Variants in FEM1B observed in about 807,000 individuals in gnomAD.
FEM1B encodes fem-1 homolog B.
FEM1B carries 10 observed loss-of-function variants against 38.6 expected under a neutral mutation model. The ratio of observed to expected loss-of-function variants is 0.26; its 90% CI spans 0.16 to 0.44. The LOEUF (loss-of-function observed/expected upper bound fraction) is 0.44. FEM1B is among the 20% of genes least tolerant of loss of function. The pLI, the probability that FEM1B is intolerant of heterozygous loss-of-function variation, is 1.00. For missense variants in FEM1B, 471 were observed against 786.7 expected, an observed-to-expected ratio of 0.60 and a Z score of 4.80; for synonymous variants, 288 against 288.0, an observed-to-expected ratio of 1.00 and a Z score of 0.00.
intron 1 of FEM1B, among the ~76,000 whole-genome samples, chr15:68,282,872 C>T (rs983015950): frequency 6.6e-6 from 1 of 152,104 alleles, no homozygotes; most frequent in African/African-American, 2.4e-5. Context: ...TCTCTTTAAT[C>T]TGTTTAATAT....
chr15:68,284,401 CTTGAAA>C lies in FEM1B; in HGVS notation c.249-5197_249-5192del, dbSNP rs1472630973. The stretch of plus-strand genomic sequence containing the variant: ...GTATAAATTACTTGAATTGAAATTA[CTTGAAA>C]TTGAAATTACTTGAAATGAAAGTAT... On this transcript the variant is annotated intron_variant, in intron 1 of 1. Transcript: ENST00000306917. The surrounding 1 kb of genome is among the most constrained non-coding windows in gnomAD (Gnocchi z 4.4). Among the ~76,000 whole-genome samples the C allele has an allele frequency of 6.6e-6, 1 of 151,484 alleles. No homozygotes were observed. The highest frequency in any genetic ancestry group is 1.5e-5 in the Non-Finnish European group (1 of 68,006).
chr15:68,284,115 C>T lies in FEM1B; in HGVS notation c.248+5450C>T, dbSNP rs1487813663. ...GGTCAGGCTGGTCTTGAACTACCCA[C>T]CTCAGGTGATCCACCCACCTTGGCC... On this transcript the variant is annotated intron_variant, in intron 1 of 1. Transcript: ENST00000306917. The surrounding 1 kb of genome is among the most constrained non-coding windows in gnomAD (Gnocchi z 4.4). 6.6e-6 allele frequency among the ~76,000 whole-genome samples: 1 copy of T among 152,128 alleles called. No individual in the cohort carries two copies. Among genetic ancestry groups the T allele is most frequent in the Non-Finnish European group, 1.5e-5 (1 of 68,024 alleles).
chr15:68,283,495 C>A (rs1048074829), intron 1 of FEM1B, among the ~76,000 whole-genome samples: 8 of 116,370 alleles, frequency 6.9e-5, no homozygotes, highest in African/African-American at 2.8e-4. Context: ...GAGACCTCAT[C>A]TCTACCTAAA....
chr15:68,288,805 T>C lies in FEM1B; in HGVS notation c.249-802T>C, dbSNP rs531169881. Among the ~76,000 whole-genome samples, 1 of 152,290 alleles carries C rather than the reference T, an allele frequency of 6.6e-6. No homozygotes were observed. The highest frequency in any genetic ancestry group is 2.1e-4 in the South Asian group (1 of 4,828). On this transcript the variant is annotated intron_variant, in intron 1 of 1. Transcript: ENST00000306917. The surrounding 1 kb of genome is among the most constrained non-coding windows in gnomAD (Gnocchi z 4.6). ...ATATACATATACATTTTAAAACTTT[T>C]AAATTGGAGCATAACGTAACTTAGA...
In FEM1B at chr15:68,281,746, T is replaced by C. The variant is rs1238166257; in HGVS notation, c.248+3081T>C. ...CATTCTCCTGCCTCAGCCTCCCGAGTAGCTGGGACTACAGGTGCCCACAAC... is the reference window on the plus strand; with the variant it reads ...CATTCTCCTGCCTCAGCCTCCCGAGCAGCTGGGACTACAGGTGCCCACAAC... On this transcript the variant is annotated intron_variant, in intron 1 of 1. Coordinates refer to ENST00000306917, the MANE Select transcript of FEM1B (RefSeq NM_015322.5). The surrounding 1 kb of genome is among the most constrained non-coding windows in gnomAD (Gnocchi z 5.1). 1.3e-5 allele frequency among the ~76,000 whole-genome samples: 2 copies of C among 152,040 alleles called. No individual in the cohort carries two copies. Among genetic ancestry groups the C allele is most frequent in the African/African-American group, 4.8e-5 (2 of 41,382 alleles).
chr15:68,282,551 A>T (rs1226867519), intron 1 of FEM1B, among the ~76,000 whole-genome samples: 2 of 152,298 alleles, frequency 1.3e-5, no homozygotes, highest in Middle Eastern at 3.4e-3. Flanking sequence ...CAGAAATGTT[A>T]TCTCTTATTG....
At position 68,278,525 on chromosome 15, in the gene FEM1B, T is replaced by C. The variant is rs544600450; in HGVS notation, c.108T>C (p.Leu36=). Residue 36 remains leucine (L), a synonymous_variant, in exon 1 of 2, where the codon CTT becomes CTC. Transcript: ENST00000306917. This position sits in a 1 kb window ranked among gnomAD's most constrained non-coding sequence, Gnocchi z 5.7. ...CTGAAAGCGACATCCGCTATCTGCT[T>C]GGCTATGTCAGCCAGCAGGGAGGGC... The part of the protein sequence containing the change: ...NRSESDIRYL[L]GYVSQQGGQR... The C allele has an allele frequency of 6.2e-7, 1 of 1,614,062 alleles. No individual in the cohort carries two copies. The highest frequency in any genetic ancestry group is 8.5e-7 in the Non-Finnish European group (1 of 1,180,016).
At chr15:68,286,243 A>G (rs1254670784) in intron 1 of FEM1B, among the ~76,000 whole-genome samples, 1 of 149,162 alleles carries the variant, frequency 6.7e-6, no homozygotes, top group Non-Finnish European at 1.5e-5. Flanking sequence ...GTCTGTTGAT[A>G]ATATTATTCT....
Position 68,281,835 on chromosome 15 carries a change from C to T in FEM1B, c.248+3170C>T, listed in dbSNP as rs1318918096. Reference sequence around the variant, plus strand: ...TTCACCGTGTTAGCCAGGATGGTCTCGATCTCCTGACCTCGTGATCCGCAT... The same window carrying T: ...TTCACCGTGTTAGCCAGGATGGTCTTGATCTCCTGACCTCGTGATCCGCAT... On this transcript the variant is annotated intron_variant, in intron 1 of 1. Transcript: ENST00000306917. This position sits in a 1 kb window ranked among gnomAD's most constrained non-coding sequence, Gnocchi z 5.1. Among the ~76,000 whole-genome samples the T allele has an allele frequency of 2.0e-5, 3 of 152,272 alleles. No individual in the cohort carries two copies. The highest frequency in any genetic ancestry group is 1.9e-4 in the East Asian group (1 of 5,184).
intron 1 of FEM1B, among the ~76,000 whole-genome samples, chr15:68,287,487 T>C (rs1319726632): frequency 6.6e-6 from 1 of 152,208 alleles, no homozygotes; most frequent in Non-Finnish European, 1.5e-5. Context: ...AAACATTTTG[T>C]GTCATTATTT....
rs1892825974 is a variant in FEM1B, at chr15:68,289,682, C to A, written c.324C>A (p.Val108=). 6.2e-7 allele frequency: 1 copy of A among 1,613,992 alleles called. No homozygotes were observed. The highest frequency in any genetic ancestry group is 1.3e-5 in the African/African-American group (1 of 74,912). Residue 108 remains valine, a synonymous_variant, in exon 2 of 2, where the codon GTC becomes GTA. Coordinates refer to ENST00000306917, the MANE Select transcript of FEM1B (RefSeq NM_015322.5). The surrounding 1 kb of genome is among the most constrained non-coding windows in gnomAD (Gnocchi z 6.9). ...AGHFEVVKLL[V]SHGANVNHTT... ...ATTTTGAAGTTGTTAAACTTCTAGT[C>A]AGCCATGGAGCCAACGTGAACCATA... is the stretch of plus-strand genomic sequence containing the variant.
intron 1 of FEM1B, among the ~76,000 whole-genome samples, chr15:68,283,816 C>T (rs1892754272): frequency 6.6e-6 from 1 of 150,952 alleles, no homozygotes; most frequent in Non-Finnish European, 1.5e-5. Context: ...ATGATGTGTA[C>T]TATGTTTCCT....
rs1892848879 is a variant in FEM1B, at chr15:68,291,618, T to C, written c.*376T>C. On this transcript the variant is annotated 3_prime_UTR_variant, in exon 2 of 2. Coordinates refer to ENST00000306917, the MANE Select transcript of FEM1B (RefSeq NM_015322.5). This position sits in a 1 kb window ranked among gnomAD's most constrained non-coding sequence, Gnocchi z 6.9. ...CTGTTAAGCCTATGTCAGCATGTTA[T>C]CCATGCAGCAGTTTTGAGGATTTTA... 5.4e-6 allele frequency: 1 copy of C among 184,708 alleles called. No individual in the cohort carries two copies. The highest frequency in any genetic ancestry group is 2.4e-5 in the African/African-American group (1 of 42,504). The allele number at this position is 184,708 out of a possible 1,614,324, so 11.4% of individuals were successfully genotyped here.
chr15:68,279,161 C>G (rs1023761044), intron 1 of FEM1B, among the ~76,000 whole-genome samples: 1 of 152,186 alleles, frequency 6.6e-6, no homozygotes, highest in African/African-American at 2.4e-5. Context: ...AAATAAGCAC[C>G]TAGAACCAGC....
In FEM1B at chr15:68,293,109, C is replaced by T. The variant is rs1892864655; in HGVS notation, c.*1867C>T. The T allele has an allele frequency of 6.6e-6, 1 of 152,142 alleles. No homozygotes were observed. The highest frequency in any genetic ancestry group is 2.1e-4 in the South Asian group (1 of 4,832). The allele number at this position is 152,142 out of a possible 1,614,324, so 9.4% of individuals were successfully genotyped here. A position where few individuals can be genotyped will look rare whatever the true frequency, so the allele number is the denominator to read the frequency against. On this transcript the variant is annotated 3_prime_UTR_variant, in exon 2 of 2. Coordinates refer to ENST00000306917, the MANE Select transcript of FEM1B (RefSeq NM_015322.5). The surrounding 1 kb of genome is among the most constrained non-coding windows in gnomAD (Gnocchi z 5.8). The stretch of plus-strand genomic sequence containing the variant: ...CAGACTTGATCCTCCTGGTATGAAT[C>T]AAGGAAATACTGTACCTTGCTCTTA...
Position 68,290,662 on chromosome 15 carries a change from A to G in FEM1B, c.1304A>G (p.Asn435Ser), listed in dbSNP as rs1255608039. 4.3e-6 allele frequency: 7 copies of G among 1,610,268 alleles called. No homozygotes were observed. The highest frequency in any genetic ancestry group is 4.2e-6 in the Non-Finnish European group (5 of 1,176,566). Residue 435 changes from asparagine (N) to serine (S), a missense_variant, in exon 2 of 2, where the codon AAT becomes AGT. Transcript: ENST00000306917. This position sits in a 1 kb window ranked among gnomAD's most constrained non-coding sequence, Gnocchi z 9.7. ...AATATTTCAGATGCTGATGTCCACAATGCTATGGACAATTATGAATGTAAT... is the reference window on the plus strand; with the variant it reads ...AATATTTCAGATGCTGATGTCCACAGTGCTATGGACAATTATGAATGTAAT... ...VKNISDADVH[N>S]AMDNYECNLY...
In FEM1B at chr15:68,281,712, G is replaced by T. The variant is rs1233175227; in HGVS notation, c.248+3047G>T. On this transcript the variant is annotated intron_variant, in intron 1 of 1. Coordinates refer to ENST00000306917, the MANE Select transcript of FEM1B (RefSeq NM_015322.5). The surrounding 1 kb of genome is among the most constrained non-coding windows in gnomAD (Gnocchi z 5.1). Reference sequence around the variant, plus strand: ...GGCTCACTGCAAGCTCTGCCTTCCGGGTTCATGCCATTCTCCTGCCTCAGC... The same window carrying T: ...GGCTCACTGCAAGCTCTGCCTTCCGTGTTCATGCCATTCTCCTGCCTCAGC... Among the ~76,000 whole-genome samples, 1 of 152,150 alleles carries T rather than the reference G, an allele frequency of 6.6e-6. No homozygotes were observed. Among genetic ancestry groups the T allele is most frequent in the African/African-American group, 2.4e-5 (1 of 41,412 alleles).
rs1567115637 is a variant in FEM1B, at chr15:68,295,362, T to G, written c.*4120T>G. ...AACAAGATTTTGTATCTATTTTTTA[T>G]CAGGTGTTGTAAAATTTGTGCATGG... On this transcript the variant is annotated 3_prime_UTR_variant, in exon 2 of 2. Transcript: ENST00000306917. 1 of 152,244 alleles carries G rather than the reference T, an allele frequency of 6.6e-6. No individual in the cohort carries two copies. Among genetic ancestry groups the G allele is most frequent in the Non-Finnish European group, 1.5e-5 (1 of 68,042 alleles). The allele number at this position is 152,244 out of a possible 1,614,324, so 9.4% of individuals were successfully genotyped here.
At chr15:68,286,550 A>G (rs1419275968) in intron 1 of FEM1B, among the ~76,000 whole-genome samples, 1 of 152,000 alleles carries the variant, frequency 6.6e-6, no homozygotes, top group Non-Finnish European at 1.5e-5. Context: ...GAATCTATAG[A>G]TCATTTTGAG....
Sources: gnomAD v4.1 joint callset for allele counts (sites outside exome capture counted in the v4.1 genomes callset) on GRCh38, gnomAD v4.1.1 for gene constraint, Gnocchi (gnomAD v3.1) non-coding constraint, MANE v1.5 for transcripts, NCBI Gene and HGNC (gene_info 2026-07-23, HGNC 2026-07-21) for gene names.